LRP1B: variants seen among roughly 807,000 people sequenced by gnomAD.
LRP1B encodes the protein LDL receptor related protein 1B.
Under a neutral mutation model 556.6 loss-of-function variants are expected in LRP1B, and 217 were observed. That is an observed-to-expected ratio of 0.39 (90% CI 0.35 to 0.44). The LOEUF (loss-of-function observed/expected upper bound fraction) is 0.44, where lower values mean the gene tolerates loss of function less well. LRP1B is among the 20% of genes least tolerant of loss of function. The probability of loss-of-function intolerance (pLI) is 1.00; values close to 1 mark genes in which losing one functional copy is unlikely to be tolerated. For synonymous variants in LRP1B, 2,047 were observed against 1,865.8 expected (o/e 1.10, Z -2.50); for missense variants, 5,053 against 5,620.8 (o/e 0.90, Z 3.23).
intron 3 of LRP1B, among the ~76,000 whole-genome samples, chr2:141,281,285 T>C (rs1275538198): frequency 1.3e-5 from 2 of 151,976 alleles, no homozygotes; most frequent in Admixed American, 6.6e-5. Context: ...TTTTACTTAT[T>C]ACATGAAAAA....
intron 3 of LRP1B, among the ~76,000 whole-genome samples, chr2:141,478,192 A>T (rs1199510218): frequency 6.6e-6 from 1 of 152,182 alleles, no homozygotes; most frequent in Admixed American, 6.5e-5. Context: ...CTATTAACAT[A>T]TGCCCTCATA....
intron 1 of LRP1B, among the ~76,000 whole-genome samples, chr2:142,034,771 G>A (rs910645385): frequency 2.0e-5 from 3 of 151,716 alleles, no homozygotes; most frequent in Non-Finnish European, 4.4e-5. Flanking sequence ...TCATTAATAT[G>A]CATAATGGCT....
intron 3 of LRP1B, among the ~76,000 whole-genome samples, chr2:141,314,518 G>A (rs544614231): frequency 1.3e-5 from 2 of 152,084 alleles, no homozygotes; most frequent in African/African-American, 2.4e-5. Flanking sequence ...ACGGCCGGGC[G>A]CGGTGGCTCA....
intron 1 of LRP1B, among the ~76,000 whole-genome samples, chr2:142,113,475 T>C (rs1707073372): frequency 2.6e-5 from 3 of 116,144 alleles, no homozygotes; most frequent in African/African-American, 9.7e-5. Flanking sequence ...AGGAGTAACC[T>C]TTACAGTTGC....
At chr2:140,289,040 C>G (rs1683271150) in intron 84 of LRP1B, among the ~76,000 whole-genome samples, 1 of 151,874 alleles carries the variant, frequency 6.6e-6, no homozygotes, top group Non-Finnish European at 1.5e-5. Flanking sequence ...AAAGTTCCTG[C>G]TATGATGCCA....
At chr2:140,756,142 A>G (rs1356573369) in intron 35 of LRP1B, among the ~76,000 whole-genome samples, 2 of 152,010 alleles carry the variant, frequency 1.3e-5, no homozygotes, top group Non-Finnish European at 2.9e-5. Flanking sequence ...TACAAAATTT[A>G]TACTCTGAAA....
At chr2:140,564,162 A>G (rs1030358629) in intron 43 of LRP1B, among the ~76,000 whole-genome samples, 1 of 152,192 alleles carries the variant, frequency 6.6e-6, no homozygotes, top group African/African-American at 2.4e-5. Context: ...TTAGATGAAT[A>G]CAATGCCACA....
At chr2:141,028,935 G>A (rs1197035038) in intron 11 of LRP1B, among the ~76,000 whole-genome samples, 1 of 152,124 alleles carries the variant, frequency 6.6e-6, no homozygotes, top group Non-Finnish European at 1.5e-5. Context: ...GAAAAAGGCA[G>A]GAAAGGGAAG....
chr2:141,288,662 T>A lies in LRP1B; in HGVS notation c.344-34021A>T, dbSNP rs150178343. 3.3e-5 allele frequency among the ~76,000 whole-genome samples: 5 copies of A among 152,322 alleles called. No homozygotes were observed. In the South Asian group the frequency reaches 1.0e-3, roughly 32 times the overall value. On this transcript the variant is annotated intron_variant, in intron 3 of 90. Transcript: ENST00000389484. Reference sequence around the variant, plus strand: ...TGATCTAAACTGTCCAGACACATTTTAATTTTTTTCTTACTTTACATATTT... The same window carrying A: ...TGATCTAAACTGTCCAGACACATTTAAATTTTTTTCTTACTTTACATATTT...
intron 41 of LRP1B, among the ~76,000 whole-genome samples, chr2:140,694,835 TTTTTA>T (rs1404396659): frequency 1.3e-5 from 2 of 152,096 alleles, no homozygotes; most frequent in Non-Finnish European, 2.9e-5. Context: ...TACAATATAA[TTTTTA>T]TTTTATCAAT....
At chr2:140,819,147 G>A (rs1054426545) in intron 31 of LRP1B, among the ~76,000 whole-genome samples, 1 of 152,054 alleles carries the variant, frequency 6.6e-6, no homozygotes. Context: ...ATACAGTTGT[G>A]TCTGACACAT....
intron 3 of LRP1B, among the ~76,000 whole-genome samples, chr2:141,295,938 T>G (rs894232823): frequency 2.0e-5 from 3 of 152,214 alleles, no homozygotes; most frequent in African/African-American, 4.8e-5. Context: ...GTCTGTAGTC[T>G]CGGTTAATTT....
chr2:140,483,640 A>ATATATATAT (rs1491228405), intron 59 of LRP1B, among the ~76,000 whole-genome samples: 58 of 70,736 alleles, frequency 8.2e-4, no homozygotes, highest in South Asian at 1.6e-3. Flanking sequence ...ATATATATAT[A>ATATATATAT]TTTTTTTTTT....
At chr2:141,054,721 C>A (rs1699129719) in intron 10 of LRP1B, among the ~76,000 whole-genome samples, 1 of 151,918 alleles carries the variant, frequency 6.6e-6, no homozygotes, top group Non-Finnish European at 1.5e-5. Context: ...TGAAGCCTGA[C>A]TATACATGGA....
intron 2 of LRP1B, among the ~76,000 whole-genome samples, chr2:141,563,593 T>C (rs1447742240): frequency 2.0e-5 from 3 of 151,848 alleles, no homozygotes; most frequent in African/African-American, 7.3e-5. Flanking sequence ...TTGAGAGAAG[T>C]TGTAAAACTA....
At chr2:140,968,154 T>C (rs1008067588) in intron 18 of LRP1B, among the ~76,000 whole-genome samples, 20 of 151,916 alleles carry the variant, frequency 1.3e-4, no homozygotes, top group Non-Finnish European at 2.5e-4. Context: ...TGAATCCGTC[T>C]GGTCCTGGAC....
intron 2 of LRP1B, among the ~76,000 whole-genome samples, chr2:141,504,304 A>AC (rs1441072047): frequency 2.0e-5 from 3 of 152,146 alleles, no homozygotes; most frequent in Non-Finnish European, 2.9e-5. Flanking sequence ...GGGATGAAAA[A>AC]TATTAAGTAA....
At chr2:140,720,181 AAG>A (rs1185910942) in intron 35 of LRP1B, among the ~76,000 whole-genome samples, 3 of 152,028 alleles carry the variant, frequency 2.0e-5, no homozygotes, top group Non-Finnish European at 4.4e-5. Flanking sequence ...AGTTTGTGCT[AAG>A]AATTACTGTA....
At chr2:141,476,093 C>T (rs554279757) in intron 3 of LRP1B, among the ~76,000 whole-genome samples, 81 of 152,264 alleles carry the variant, frequency 5.3e-4, no homozygotes, top group Middle Eastern at 3.4e-3. Context: ...GGCCAGAGCC[C>T]AAAAGTGCTG....
Sources: allele counts gnomAD v4.1 joint callset (sites outside exome capture counted in the v4.1 genomes callset), GRCh38; gene constraint gnomAD v4.1.1; transcripts MANE v1.5; gene names NCBI Gene and HGNC (gene_info 2026-07-23, HGNC 2026-07-21).